The following FSTL5 variants were observed in gnomAD, a reference collection of about 807,000 sequenced individuals.
FSTL5 encodes the protein follistatin-related protein 5.
FSTL5 carries 62 observed loss-of-function variants against 89.1 expected under a neutral mutation model. That is an observed-to-expected ratio of 0.70 (90% confidence interval 0.57 to 0.86). The LOEUF (loss-of-function observed/expected upper bound fraction) is 0.86. FSTL5 is among the 40% of genes least tolerant of loss of function. The probability of loss-of-function intolerance (pLI) is 0.00; values close to 1 mark genes in which losing one functional copy is unlikely to be tolerated. For synonymous variants in FSTL5, 383 were observed against 346.2 expected, an observed-to-expected ratio of 1.11 and a Z score of -1.18; for missense variants, 1,057 against 1,001.6, an observed-to-expected ratio of 1.06 and a Z score of -0.75.
intron 15 of FSTL5, among the ~76,000 whole-genome samples, chr4:161,422,946 G>C (rs2126317704): frequency 6.6e-6 from 1 of 152,298 alleles, no homozygotes; most frequent in South Asian, 2.1e-4. Context: ...TGTTAAAGCT[G>C]TTTATGGAGA....
chr4:162,141,505 C>A (rs1485271345), intron 1 of FSTL5, among the ~76,000 whole-genome samples: 1 of 152,118 alleles, frequency 6.6e-6, no homozygotes, highest in Non-Finnish European at 1.5e-5. Flanking sequence ...TTAGATAACT[C>A]CCAGAAGCAG....
chr4:162,139,868 GACATGGT>G (rs1461371743), intron 1 of FSTL5, among the ~76,000 whole-genome samples: 3 of 152,044 alleles, frequency 2.0e-5, no homozygotes, highest in South Asian at 2.1e-4. Flanking sequence ...AGAGTAAAAA[GACATGGT>G]ACAACTGGAA....
chr4:161,680,278 T>C (rs1737471098), intron 6 of FSTL5, among the ~76,000 whole-genome samples: 1 of 151,864 alleles, frequency 6.6e-6, no homozygotes, highest in Non-Finnish European at 1.5e-5. Flanking sequence ...TTACATTGCA[T>C]CCTGAGCTCT....
intron 7 of FSTL5, among the ~76,000 whole-genome samples, chr4:161,588,487 G>GA (rs34071296): frequency 1.3e-4 from 20 of 151,054 alleles, no homozygotes; most frequent in Non-Finnish European, 2.4e-4. Context: ...TAACCATTTT[G>GA]AAAAAAAAGA....
intron 15 of FSTL5, among the ~76,000 whole-genome samples, chr4:161,424,485 T>G (rs556997532): frequency 6.7e-4 from 102 of 151,906 alleles, no homozygotes; most frequent in African/African-American, 2.4e-3. Context: ...GACTTGCATT[T>G]TTGTTTACTT....
intron 3 of FSTL5, among the ~76,000 whole-genome samples, chr4:161,950,003 T>C (rs1734846648): frequency 6.6e-6 from 1 of 152,088 alleles, no homozygotes; most frequent in Non-Finnish European, 1.5e-5. Context: ...TTTGTATGTC[T>C]CAAAATTTTT....
At chr4:162,153,635 AAT>A (rs796623391) in intron 1 of FSTL5, among the ~76,000 whole-genome samples, 8 of 122,338 alleles carry the variant, frequency 6.5e-5, no homozygotes, top group East Asian at 4.5e-4. Flanking sequence ...TGTATATAAT[AAT>A]ATATGTATAT....
chr4:161,436,109 CTTTT>C (rs1213335945), intron 15 of FSTL5, among the ~76,000 whole-genome samples: 1 of 152,016 alleles, frequency 6.6e-6, no homozygotes, highest in Non-Finnish European at 1.5e-5. Flanking sequence ...GATACTTATC[CTTTT>C]AAAGGAGGCC....
intron 5 of FSTL5, among the ~76,000 whole-genome samples, chr4:161,761,186 C>A (rs17041456): frequency 0.22 from 33,287 of 152,048 alleles, 6,910 homozygotes; most frequent in African/African-American, 0.54. Context: ...AAGCCCTAAA[C>A]TTTTGCACAG....
chr4:161,789,487 A>T (rs1579094282), intron 4 of FSTL5, among the ~76,000 whole-genome samples: 1 of 152,194 alleles, frequency 6.6e-6, no homozygotes, highest in East Asian at 1.9e-4. Context: ...ATGGGAAGAA[A>T]TTCAATTGAC....
chr4:162,108,823 GT>G (rs1731328835), intron 2 of FSTL5, among the ~76,000 whole-genome samples: 1 of 151,608 alleles, frequency 6.6e-6, no homozygotes, highest in Non-Finnish European at 1.5e-5. Flanking sequence ...ATGTTATCTT[GT>G]TTTCAGCCTT....
intron 2 of FSTL5, among the ~76,000 whole-genome samples, chr4:162,054,336 A>G (rs1738471970): frequency 6.6e-6 from 1 of 151,822 alleles, no homozygotes; most frequent in African/African-American, 2.4e-5. Flanking sequence ...ACTTCACTTT[A>G]TGATGAAACA....
intron 3 of FSTL5, among the ~76,000 whole-genome samples, chr4:162,006,750 CA>C (rs1161158327): frequency 6.6e-6 from 1 of 151,750 alleles, no homozygotes; most frequent in Non-Finnish European, 1.5e-5. Flanking sequence ...TGACAATTAT[CA>C]GTTAAAATGG....
intron 6 of FSTL5, among the ~76,000 whole-genome samples, chr4:161,726,901 C>CA (rs752981511): frequency 0.08 from 11,352 of 142,572 alleles, 534 homozygotes; most frequent in Middle Eastern, 0.13. Context: ...TCCCAAAGAG[C>CA]AAAAAAAAAA....
chr4:161,502,853 G>T (rs935413418), intron 11 of FSTL5, among the ~76,000 whole-genome samples: 4 of 151,756 alleles, frequency 2.6e-5, no homozygotes, highest in African/African-American at 7.2e-5. Flanking sequence ...ACCTGATGAT[G>T]GAGATGTTGG....
intron 3 of FSTL5, among the ~76,000 whole-genome samples, chr4:161,953,044 G>C (rs1734939479): frequency 6.6e-6 from 1 of 151,604 alleles, no homozygotes; most frequent in South Asian, 2.1e-4. Flanking sequence ...AAATGTTTTA[G>C]ACATTTATGT....
chr4:161,724,738 A>C (rs1424317507), intron 6 of FSTL5, among the ~76,000 whole-genome samples: 2 of 152,234 alleles, frequency 1.3e-5, no homozygotes, highest in Non-Finnish European at 1.5e-5. Context: ...GGCATAAATC[A>C]AAATTAAATG....
At chr4:161,473,084 A>G (rs2126438346) in intron 13 of FSTL5, among the ~76,000 whole-genome samples, 1 of 152,272 alleles carries the variant, frequency 6.6e-6, no homozygotes, top group South Asian at 2.1e-4. Flanking sequence ...TTTATCCTGG[A>G]AAATGTTCCA....
At chr4:162,035,130 C>G (rs760315899) in intron 2 of FSTL5, 5 of 152,064 alleles carry the variant, frequency 3.3e-5, no homozygotes, top group Non-Finnish European at 5.9e-5. Context: ...TATTAACATT[C>G]ATTCATTCAT....
Sources: allele counts gnomAD v4.1 joint callset (sites outside exome capture counted in the v4.1 genomes callset), GRCh38; gene constraint gnomAD v4.1.1; transcripts MANE v1.5; gene names NCBI Gene and HGNC (gene_info 2026-07-23, HGNC 2026-07-21).